Variants in FHOD3 observed in about 807,000 individuals in gnomAD.
FHOD3 encodes the protein formin homology 2 domain containing 3.
In FHOD3, 90 loss-of-function variants were observed where a neutral mutation model predicts 173.0. The observed-to-expected ratio is 0.52, with a 90% CI of 0.44 to 0.62. The LOEUF is 0.62. FHOD3 is among the 20% of genes least tolerant of loss of function. The probability of loss-of-function intolerance (pLI) is 0.00; values close to 1 mark genes in which losing one functional copy is unlikely to be tolerated. For missense variants in FHOD3, 1,945 were observed against 2,034.7 expected (o/e 0.96, Z 0.85); for synonymous variants, 828 against 823.0 (o/e 1.01, Z -0.10).
chr18:36,745,890 T>C (rs190540788), intron 23 of FHOD3, among the ~76,000 whole-genome samples: 158 of 151,862 alleles, frequency 1.0e-3, no homozygotes, highest in African/African-American at 3.6e-3. Context: ...CACCTCCTGC[T>C]GCTCTGACTT....
chr18:36,521,713 G>T (rs903736), intron 5 of FHOD3, among the ~76,000 whole-genome samples: 116,793 of 152,042 alleles, frequency 0.77, 45,128 homozygotes, highest in African/African-American at 0.83. Context: ...TTGCATGGAT[G>T]GACCATGCAC....
chr18:36,465,031 CA>C (rs1481069265), intron 3 of FHOD3, among the ~76,000 whole-genome samples: 1 of 152,042 alleles, frequency 6.6e-6, no homozygotes, highest in Non-Finnish European at 1.5e-5. Flanking sequence ...CAATCTTAGG[CA>C]AAAAGTTAGA....
intron 5 of FHOD3, among the ~76,000 whole-genome samples, chr18:36,530,865 C>T (rs534902615): frequency 6.6e-6 from 1 of 152,266 alleles, no homozygotes; most frequent in South Asian, 2.1e-4. Flanking sequence ...GTAGCTGGGG[C>T]TTTTGTTCTT....
chr18:36,680,481 G>A lies in FHOD3; in HGVS notation c.1836-955G>A, dbSNP rs146518557. Among the ~76,000 whole-genome samples the A allele has an allele frequency of 2.5e-3, 379 of 152,204 alleles. 1 individual carries two copies. Among genetic ancestry groups the A allele is most frequent in the Admixed American group, 0.017 (256 of 15,290 alleles). The stretch of plus-strand genomic sequence containing the variant: ...TTTTCCATAAGTGAAGGCCTCAATT[G>A]TCCATAACAGATTTTATTCTCCAGA... On this transcript the variant is annotated intron_variant, in intron 14 of 28. Coordinates refer to ENST00000590592, the MANE Select transcript of FHOD3 (RefSeq NM_001281740.3).
intron 1 of FHOD3, among the ~76,000 whole-genome samples, chr18:36,307,375 A>C (rs1415852008): frequency 6.6e-6 from 1 of 152,176 alleles, no homozygotes; most frequent in African/African-American, 2.4e-5. Context: ...GGTTGTGCCC[A>C]AGAGGATGGA....
chr18:36,777,585 C>T (rs1280245304), intron 28 of FHOD3: 1 of 152,192 alleles, frequency 6.6e-6, no homozygotes, highest in East Asian at 1.9e-4. Context: ...ATCTTATTTA[C>T]TGTTGTTAAA....
chr18:36,437,822 GC>G (rs2050901292), intron 3 of FHOD3, among the ~76,000 whole-genome samples: 1 of 151,886 alleles, frequency 6.6e-6, no homozygotes. Flanking sequence ...TGCCACCACA[GC>G]CAGCTAATTT....
chr18:36,772,574 C>T (rs146195148), intron 28 of FHOD3, among the ~76,000 whole-genome samples: 2 of 152,226 alleles, frequency 1.3e-5, no homozygotes, highest in Non-Finnish European at 2.9e-5. Flanking sequence ...GCAAGCCACT[C>T]GAGGATCAGA....
chr18:36,397,491 A>C (rs1047855595), intron 3 of FHOD3, among the ~76,000 whole-genome samples: 5 of 152,162 alleles, frequency 3.3e-5, no homozygotes, highest in African/African-American at 7.2e-5. Context: ...AGATACTAAA[A>C]ACTATTTTGA....
chr18:36,598,142 C>T (rs1363657797), intron 7 of FHOD3, among the ~76,000 whole-genome samples: 1 of 152,144 alleles, frequency 6.6e-6, no homozygotes, highest in Non-Finnish European at 1.5e-5. Flanking sequence ...TGAGCATATC[C>T]ATTTGTGCAC....
At chr18:36,449,428 G>A (rs938889304) in intron 3 of FHOD3, among the ~76,000 whole-genome samples, 7 of 152,164 alleles carry the variant, frequency 4.6e-5, no homozygotes, top group African/African-American at 1.4e-4. Flanking sequence ...TATGTTATTC[G>A]TGTGGGGTTG....
At chr18:36,370,326 G>A (rs1397641129) in intron 2 of FHOD3, among the ~76,000 whole-genome samples, 1 of 152,032 alleles carries the variant, frequency 6.6e-6, no homozygotes, top group Non-Finnish European at 1.5e-5. Context: ...AAAAAAATAG[G>A]ACTTTTTTTT....
intron 14 of FHOD3, 93 bp downstream of exon 14, chr18:36,658,281 G>T (rs2149187145): frequency 1.3e-6 from 1 of 793,672 alleles, no homozygotes; most frequent in South Asian, 1.8e-5. Flanking sequence ...ATAAATAAAA[G>T]ACATAACATG....
intron 1 of FHOD3, among the ~76,000 whole-genome samples, chr18:36,328,793 C>T (rs2044816970): frequency 6.6e-6 from 1 of 152,180 alleles, no homozygotes; most frequent in African/African-American, 2.4e-5. Flanking sequence ...TTGGCTGAAG[C>T]AGCTGGAAGG....
At chr18:36,308,726 A>G (rs1598648663) in intron 1 of FHOD3, among the ~76,000 whole-genome samples, 2 of 152,348 alleles carry the variant, frequency 1.3e-5, no homozygotes, top group East Asian at 3.9e-4. Flanking sequence ...CTTTCATTTC[A>G]GAGTTCCTAG....
chr18:36,575,643 T>A (rs78389675), intron 5 of FHOD3, among the ~76,000 whole-genome samples: 1,734 of 152,330 alleles, frequency 0.011, 26 homozygotes, highest in African/African-American at 0.039. Flanking sequence ...ATGGGTGAAA[T>A]ATGATTAGGA....
chr18:36,767,374 T>G (rs995128706), intron 27 of FHOD3, among the ~76,000 whole-genome samples: 1 of 151,952 alleles, frequency 6.6e-6, no homozygotes, highest in Admixed American at 6.6e-5. Context: ...GGCTGGAGCA[T>G]AGTGGCGTGA....
chr18:36,677,614 T>C (rs1017054644), intron 14 of FHOD3, among the ~76,000 whole-genome samples: 1 of 152,178 alleles, frequency 6.6e-6, no homozygotes, highest in Admixed American at 6.5e-5. Flanking sequence ...ATGTTTTCAT[T>C]TGTGCACCAA....
intron 11 of FHOD3, 70 bp downstream of exon 11, chr18:36,649,475 C>T: frequency 8.2e-7 from 1 of 1,224,102 alleles, no homozygotes; most frequent in Non-Finnish European, 1.1e-6. Context: ...TAGTTCACTG[C>T]CTTCTAGTGG....
Sources: gnomAD v4.1 joint callset for allele counts (sites outside exome capture counted in the v4.1 genomes callset) on GRCh38, gnomAD v4.1.1 for gene constraint, MANE v1.5 for transcripts, NCBI Gene and HGNC (gene_info 2026-07-23, HGNC 2026-07-21) for gene names.